The following ALMS1 variants were observed in gnomAD, a reference collection of about 807,000 sequenced individuals.
The protein encoded by ALMS1 is ALMS1 centrosome and basal body associated protein, also known as centrosome-associated protein ALMS1.
A neutral mutation model predicts 352.2 loss-of-function variants in ALMS1; 271 were observed. That is an observed-to-expected ratio of 0.77 (90% confidence interval 0.70 to 0.85). ALMS1 has a LOEUF of 0.85. Among genes scored for constraint, ALMS1 ranks in the 40% least tolerant of loss-of-function variants. The pLI, the probability that ALMS1 is intolerant of heterozygous loss-of-function variation, is 0.00. For synonymous variants in ALMS1, 1,865 were observed against 1,761.2 expected (o/e 1.06, Z -1.48); for missense variants, 5,445 against 4,870.7 (o/e 1.12, Z -3.51).
rs376468117 is a variant in ALMS1 at position 73,516,811 on chromosome 2, A to C, written c.9540-2964A>C. Among the ~76,000 whole-genome samples, 22 of 152,286 alleles carry C rather than the reference A, an allele frequency of 1.4e-4. No homozygotes were observed. The South Asian group carries it at 4.6e-3, about 32-fold the overall frequency. On this transcript the variant is annotated intron_variant, in intron 10 of 22. Coordinates refer to ENST00000613296, the MANE Select transcript of ALMS1 (RefSeq NM_001378454.1). Reference sequence around the variant, plus strand: ...CCCTTTATTGGGGTTGGCCCTTCTGACTTTTGACTGAGAGTCTAGTGAGTC... The same window carrying C: ...CCCTTTATTGGGGTTGGCCCTTCTGCCTTTTGACTGAGAGTCTAGTGAGTC...
At chr2:73,447,597 C>T (rs1671833033) in intron 7 of ALMS1, among the ~76,000 whole-genome samples, 1 of 152,098 alleles carries the variant, frequency 6.6e-6, no homozygotes, top group Non-Finnish European at 1.5e-5. Context: ...CTTATGTCTT[C>T]TGCCAGCCTG....
intron 9 of ALMS1, 143 bp downstream of exon 9, chr2:73,455,438 C>T: frequency 9.5e-7 from 1 of 1,055,784 alleles, no homozygotes; most frequent in Non-Finnish European, 1.4e-6. Context: ...CAGTCTTGCT[C>T]TGTTGCCCAG....
At chr2:73,400,763 T>C (rs1023612778) in intron 1 of ALMS1, among the ~76,000 whole-genome samples, 1 of 152,032 alleles carries the variant, frequency 6.6e-6, no homozygotes, top group Non-Finnish European at 1.5e-5. Flanking sequence ...TTAATGTCCA[T>C]GAGATCTGTT....
chr2:73,601,380 C>A lies in ALMS1; in HGVS notation c.12058C>A (p.Pro4020Thr). 5 of 1,614,042 alleles carry A rather than the reference C, an allele frequency of 3.1e-6. No individual in the cohort carries two copies. Among genetic ancestry groups the A allele is most frequent in the Non-Finnish European group, 4.2e-6 (5 of 1,179,952 alleles). The change falls in exon 19 of 23, where the codon CCA becomes ACA. Residue 4020 changes from proline to threonine, a missense_variant. Physicochemically the swap from Pro to Thr is conservative, Grantham distance 38. Coordinates refer to ENST00000613296, the MANE Select transcript of ALMS1 (RefSeq NM_001378454.1). ...GGACGGTCGGGGCTACCTGGCAGGC[C>A]CAGGCAGAGAGGCTGGCAGAGACCT... ...HLDGRGYLAG[P>T]GREAGRDLLR...
chr2:73,603,489 CAT>C, intron 21 of ALMS1, 185 bp downstream of exon 21: 6 of 608,760 alleles, frequency 9.9e-6, no homozygotes, highest in South Asian at 1.9e-5. Context: ...ATGAATGACT[CAT>C]ATGCAAAAGA....
At position 73,422,913 on chromosome 2, in the gene ALMS1, G is replaced by T; in HGVS notation, c.703G>T (p.Asp235Tyr). The T allele has an allele frequency of 1.2e-6, 2 of 1,613,670 alleles. No homozygotes were observed. The highest frequency in any genetic ancestry group is 2.2e-5 in the East Asian group (1 of 44,858). The stretch of plus-strand genomic sequence containing the variant: ...GCCTTTGCTGACCTGTTTGACACAA[G>T]ACCAAGAATTTGCGCCTGATTCTTT... ...DLPLLTCLTQ[D>Y]QEFAPDSLFH... Residue 235 changes from aspartate to tyrosine, a missense_variant, in exon 4 of 23, where the codon GAC becomes TAC. Asp to Tyr is a radical substitution (Grantham distance 160). Coordinates refer to ENST00000613296, the MANE Select transcript of ALMS1 (RefSeq NM_001378454.1).
chr2:73,523,745 C>A (rs1295205191), intron 11 of ALMS1, among the ~76,000 whole-genome samples: 1 of 151,088 alleles, frequency 6.6e-6, no homozygotes, highest in Admixed American at 6.6e-5. Context: ...CCAGCCTGGG[C>A]GACAGAGTGA....
At chr2:73,473,885 C>T (rs1050238441) in intron 9 of ALMS1, among the ~76,000 whole-genome samples, 1 of 150,578 alleles carries the variant, frequency 6.6e-6, no homozygotes, top group Non-Finnish European at 1.5e-5. Context: ...CATCCCCAAG[C>T]ATACCAACAT....
rs758976770 is a variant in ALMS1, at chr2:73,450,314, C to G, written c.3787C>G (p.Leu1263Val). ...AGATAATCATCCAACTGAAGAGGCTCTGAAAATTTCAGTTGCCTCTGAACC... is the reference window on the plus strand; with the variant it reads ...AGATAATCATCCAACTGAAGAGGCTGTGAAAATTTCAGTTGCCTCTGAACC... Reference protein sequence around the residue: ...LPDNHPTEEALKISVASEPVD... With the variant: ...LPDNHPTEEAVKISVASEPVD... The change falls in exon 8 of 23, where the codon CTG becomes GTG. Residue 1263 changes from leucine (L) to valine (V), a missense_variant. Physicochemically the swap from Leu to Val is conservative, Grantham distance 32 (BLOSUM62 1). Transcript: ENST00000613296. 4 of 1,613,296 alleles carry G rather than the reference C, an allele frequency of 2.5e-6. No homozygotes were observed. The South Asian group carries it at 4.4e-5, about 18-fold the overall frequency.
intron 12 of ALMS1, among the ~76,000 whole-genome samples, chr2:73,549,494 A>G (rs1310762241): frequency 6.6e-6 from 1 of 152,178 alleles, no homozygotes; most frequent in Non-Finnish European, 1.5e-5. Context: ...AATATCTTCT[A>G]CCACTGTCCT....
At chr2:73,476,420 T>A (rs1417227529) in intron 9 of ALMS1, among the ~76,000 whole-genome samples, 1 of 152,056 alleles carries the variant, frequency 6.6e-6, no homozygotes, top group African/African-American at 2.4e-5. Context: ...GACCCAAAAG[T>A]GGAATTCCTG....
At chr2:73,521,382 G>T (rs1302693309) in intron 11 of ALMS1, among the ~76,000 whole-genome samples, 1 of 152,018 alleles carries the variant, frequency 6.6e-6, no homozygotes, top group Non-Finnish European at 1.5e-5. Context: ...TCAGGCTAAT[G>T]GGTCAATAGC....
intron 2 of ALMS1, among the ~76,000 whole-genome samples, chr2:73,412,445 C>T (rs1282783418): frequency 6.6e-6 from 1 of 152,016 alleles, no homozygotes; most frequent in Non-Finnish European, 1.5e-5. Flanking sequence ...AGTAGTATTC[C>T]ATTTGTGTGT....
chr2:73,551,423 A>ACCTTT (rs1558691064), intron 13 of ALMS1, among the ~76,000 whole-genome samples: 1 of 112,436 alleles, frequency 8.9e-6, no homozygotes, highest in African/African-American at 3.5e-5. Flanking sequence ...TTGAGTTTCA[A>ACCTTT]TCTTTTTTTT....
Position 73,448,461 on chromosome 2 carries a change from C to T in ALMS1, c.1934C>T (p.Pro645Leu). ...CCAGAGAGTAACTTAACCGAAGAGC[C>T]TTTGGAAGTTTCAGCTGCTCCTGGC... ...ELPESNLTEE[P>L]LEVSAAPGPV... is the part of the protein sequence containing the mutation. The change falls in exon 8 of 23, where the codon CCT becomes CTT. Residue 645 changes from proline (P) to leucine (L), a missense_variant. Coordinates refer to ENST00000613296, the MANE Select transcript of ALMS1 (RefSeq NM_001378454.1). 6.2e-7 allele frequency: 1 copy of T among 1,613,804 alleles called. No individual in the cohort carries two copies. Among genetic ancestry groups the T allele is most frequent in the Non-Finnish European group, 8.5e-7 (1 of 1,179,900 alleles).
intron 7 of ALMS1, among the ~76,000 whole-genome samples, chr2:73,443,282 T>C (rs1381318814): frequency 6.6e-6 from 1 of 152,176 alleles, no homozygotes; most frequent in African/African-American, 2.4e-5. Flanking sequence ...ACTTGCCTCT[T>C]TTTTCATAGT....
chr2:73,422,454 T>C (rs1296298321), intron 3 of ALMS1, among the ~76,000 whole-genome samples: 4 of 152,124 alleles, frequency 2.6e-5, no homozygotes. Context: ...GTCTATATTA[T>C]GTAAGATGGG....
chr2:73,393,569 A>G (rs1670695846), intron 1 of ALMS1, among the ~76,000 whole-genome samples: 1 of 151,384 alleles, frequency 6.6e-6, no homozygotes, highest in Non-Finnish European at 1.5e-5. Context: ...CACACTCCCC[A>G]CCCTTCCAAG....
intron 1 of ALMS1, among the ~76,000 whole-genome samples, chr2:73,396,036 G>A (rs1203189910): frequency 1.9e-4 from 29 of 152,042 alleles, no homozygotes; most frequent in Admixed American, 1.8e-3. Context: ...CATGGTCCTC[G>A]GCTGTGGGTT....
Sources: gnomAD v4.1 joint callset for allele counts (sites outside exome capture counted in the v4.1 genomes callset) on GRCh38, gnomAD v4.1.1 for gene constraint, MANE v1.5 for transcripts, NCBI Gene and HGNC (gene_info 2026-07-23, HGNC 2026-07-21) for gene names.